ASIC2: variants seen among roughly 807,000 people sequenced by gnomAD.
The protein encoded by ASIC2 is acid-sensing ion channel 2.
In ASIC2, 25 loss-of-function variants were observed where a neutral mutation model predicts 57.3. The ratio of observed to expected loss-of-function variants is 0.44; its 90% CI spans 0.32 to 0.61. The LOEUF (loss-of-function observed/expected upper bound fraction) is 0.61, where lower values mean the gene tolerates loss of function less well. Among genes scored for constraint, ASIC2 ranks in the 20% least tolerant of loss-of-function variants. The pLI is 0.06. For missense variants in ASIC2, 641 were observed against 738.1 expected (o/e 0.87, Z 1.52); for synonymous variants, 319 against 307.5 (o/e 1.04, Z -0.39).
intron 1 of ASIC2, among the ~76,000 whole-genome samples, chr17:33,434,872 G>C (rs1911553307): frequency 6.6e-6 from 1 of 152,168 alleles, no homozygotes; most frequent in Non-Finnish European, 1.5e-5. Context: ...AAAGTTCAGA[G>C]GACAATGTGG....
rs1240465586 is a variant in ASIC2, at chr17:33,636,457, CTTG to C, written c.555+519518_555+519520del. ...GCCTCAAACCTCATTATTGGGCCAC[CTTG>C]TTGTCCTGTAGAGAGCTAACAGGAC... On this transcript the variant is annotated intron_variant, in intron 1 of 9. Transcript: ENST00000359872. Among the ~76,000 whole-genome samples, 8 of 152,262 alleles carry C rather than the reference CTTG, an allele frequency of 5.3e-5. No homozygotes were observed. In the South Asian group the frequency reaches 1.2e-3, roughly 24 times the overall value.
At chr17:33,522,532 C>T (rs1334787853) in intron 1 of ASIC2, among the ~76,000 whole-genome samples, 1 of 152,166 alleles carries the variant, frequency 6.6e-6, no homozygotes, top group African/African-American at 2.4e-5. Flanking sequence ...CTTCTCTGAC[C>T]CTCTGTTTCC....
intron 1 of ASIC2, among the ~76,000 whole-genome samples, chr17:33,682,208 C>T (rs907316763): frequency 1.5e-4 from 22 of 151,512 alleles, no homozygotes; most frequent in African/African-American, 4.1e-4. Context: ...TACAGGTGCC[C>T]GCCACCATGC....
At chr17:34,124,384 C>T (rs755914665) in intron 1 of ASIC2, among the ~76,000 whole-genome samples, 1 of 152,136 alleles carries the variant, frequency 6.6e-6, no homozygotes, top group Admixed American at 6.5e-5. Context: ...ACAAAATAAC[C>T]ACTCCAATCC....
intron 1 of ASIC2, chr17:34,069,438 CTTTT>C (rs1366884456): frequency 3.3e-5 from 4 of 120,736 alleles, no homozygotes; most frequent in Admixed American, 1.7e-4. Context: ...TCATTTCTTT[CTTTT>C]TCTTTCAGAG....
intron 1 of ASIC2, among the ~76,000 whole-genome samples, chr17:33,953,232 T>C (rs1359601565): frequency 2.0e-5 from 3 of 152,166 alleles, no homozygotes; most frequent in African/African-American, 4.8e-5. Context: ...TGCACACATA[T>C]TACACATTTT....
At chr17:34,097,612 T>A (rs928614636) in intron 1 of ASIC2, among the ~76,000 whole-genome samples, 1 of 152,112 alleles carries the variant, frequency 6.6e-6, no homozygotes, top group Non-Finnish European at 1.5e-5. Flanking sequence ...AAGGCAGAGA[T>A]TGGAGTTATT....
rs1270088527 is a variant in ASIC2, at chr17:33,013,230, C to T, written c.*735G>A. On this transcript the variant is annotated 3_prime_UTR_variant, in exon 10 of 10. Transcript: ENST00000225823. The stretch of plus-strand genomic sequence containing the variant: ...AAATGAAGCAAAACAAAACAAATCT[C>T]CATCGGACAAACATAAAAGCCCCCC... 1 of 152,292 alleles carries T rather than the reference C, an allele frequency of 6.6e-6. No individual in the cohort carries two copies. The highest frequency in any genetic ancestry group is 2.4e-5 in the African/African-American group (1 of 41,440). The allele number at this position is 152,292 out of a possible 1,614,324, so 9.4% of individuals were successfully genotyped here.
At chr17:34,071,481 A>T in intron 1 of ASIC2, 1 of 152,282 alleles carries the variant, frequency 6.6e-6, no homozygotes. Flanking sequence ...AAAATCCAAT[A>T]AGGACACTTA....
intron 5 of ASIC2, among the ~76,000 whole-genome samples, 167 bp downstream of exon 5, chr17:33,025,759 C>T (rs2091856405): frequency 6.6e-6 from 1 of 152,026 alleles, no homozygotes; most frequent in African/African-American, 2.4e-5. Context: ...TCCTCCTCTC[C>T]ATCTCCCTCT....
chr17:33,107,272 TC>T lies in ASIC2; in HGVS notation c.859+4644del, dbSNP rs2092238753. On this transcript the variant is annotated intron_variant, in intron 2 of 9. Coordinates refer to ENST00000225823, the MANE Select transcript of ASIC2 (RefSeq NM_183377.2). Reference sequence around the variant, plus strand: ...TTCAAAACTATATTCTGTGAGCTTTTCCATGAAAACGAAGGTTTCTGTGGTC... The same window carrying T: ...TTCAAAACTATATTCTGTGAGCTTTTCATGAAAACGAAGGTTTCTGTGGTC... 2.0e-5 allele frequency among the ~76,000 whole-genome samples: 3 copies of T among 152,346 alleles called. No individual in the cohort carries two copies. The East Asian group carries it at 5.8e-4, about 29-fold the overall frequency.
intron 1 of ASIC2, among the ~76,000 whole-genome samples, chr17:33,787,784 G>A (rs981724903): frequency 6.6e-6 from 1 of 152,168 alleles, no homozygotes; most frequent in African/African-American, 2.4e-5. Context: ...CATCCAAATC[G>A]CATGTTCAAT....
At chr17:33,775,017 G>GAGAC (rs1911222304) in intron 1 of ASIC2, among the ~76,000 whole-genome samples, 1 of 152,218 alleles carries the variant, frequency 6.6e-6, no homozygotes, top group Non-Finnish European at 1.5e-5. Context: ...GTATCCAAAA[G>GAGAC]AGACATATCC....
intron 1 of ASIC2, among the ~76,000 whole-genome samples, chr17:33,448,149 C>G (rs982046369): frequency 3.3e-5 from 5 of 152,072 alleles, no homozygotes; most frequent in African/African-American, 1.2e-4. Context: ...CATTTGTCCT[C>G]TCTGACTCTT....
chr17:33,380,245 C>CAAAAAAA (rs10586872), intron 1 of ASIC2, among the ~76,000 whole-genome samples: 132 of 70,978 alleles, frequency 1.9e-3, no homozygotes, highest in East Asian at 3.8e-3. Flanking sequence ...AACCCTGTCT[C>CAAAAAAA]AAAAAAAAAA....
chr17:34,148,815 G>A lies in ASIC2; in HGVS notation c.555+7163C>T, dbSNP rs115295160. ...ATCAATAAATTTCCATCAAAGGAGA[G>A]TAACTGGTGCTCAGTTTTGAGCCTA... On this transcript the variant is annotated intron_variant, in intron 1 of 9. Coordinates refer to the ASIC2 transcript ENST00000359872. Among the ~76,000 whole-genome samples the A allele has an allele frequency of 2.5e-3, 386 of 152,294 alleles. 5 individuals carry two copies. Among genetic ancestry groups the A allele is most frequent in the African/African-American group, 8.9e-3 (368 of 41,568 alleles).
intron 1 of ASIC2, among the ~76,000 whole-genome samples, chr17:33,992,764 A>G (rs1906040583): frequency 6.6e-6 from 1 of 152,226 alleles, no homozygotes. Flanking sequence ...ATTCACCAAC[A>G]CATCACTGAC....
At chr17:34,154,880 C>A (rs892051144) in intron 1 of ASIC2, among the ~76,000 whole-genome samples, 7 of 152,102 alleles carry the variant, frequency 4.6e-5, no homozygotes, top group African/African-American at 1.7e-4. Context: ...CCCCTGATAC[C>A]CAGACGTGCC....
chr17:33,492,151 T>G (rs1014102394), intron 1 of ASIC2, among the ~76,000 whole-genome samples: 2 of 152,202 alleles, frequency 1.3e-5, no homozygotes, highest in African/African-American at 4.8e-5. Flanking sequence ...ACAGCTAGCA[T>G]GTATTAAGTG....
Sources: gnomAD v4.1 joint callset for allele counts (sites outside exome capture counted in the v4.1 genomes callset) on GRCh38, gnomAD v4.1.1 for gene constraint, MANE v1.5 for transcripts, NCBI Gene and HGNC (gene_info 2026-07-23, HGNC 2026-07-21) for gene names.